Variants in TENM2 observed in about 807,000 individuals in gnomAD.
The protein encoded by TENM2 is teneurin-2.
Under a neutral mutation model 245.2 loss-of-function variants are expected in TENM2, and 52 were observed. The observed-to-expected ratio is 0.21, with a 90% CI of 0.17 to 0.27. TENM2 has a LOEUF of 0.27. TENM2 is among the 10% of genes least tolerant of loss of function. The pLI, the probability that TENM2 is intolerant of heterozygous loss-of-function variation, is 1.00. For synonymous variants in TENM2, 1,363 were observed against 1,438.9 expected (o/e 0.95, Z 1.19); for missense variants, 3,046 against 3,666.8 (o/e 0.83, Z 4.37).
chr5:168,219,121 G>A (rs1009897168), intron 23 of TENM2, 122 bp downstream of exon 25: 1 of 974,576 alleles, frequency 1.0e-6, no homozygotes, highest in Non-Finnish European at 1.5e-6. Context: ...CTTTAATGAT[G>A]TCTTATGGCC....
chr5:167,398,139 G>A (rs780225669), intron 2 of TENM2, among the ~76,000 whole-genome samples: 2 of 152,070 alleles, frequency 1.3e-5, no homozygotes, highest in Non-Finnish European at 1.5e-5. Context: ...AAATCTCTCT[G>A]GGTGTCAATA....
chr5:167,599,872 C>T (rs910491872), intron 2 of TENM2, among the ~76,000 whole-genome samples: 8 of 151,912 alleles, frequency 5.3e-5, no homozygotes, highest in South Asian at 2.1e-4. Flanking sequence ...CATGGCTGGG[C>T]GCGGTGGCTC....
chr5:168,047,345 A>G (rs1788694846), intron 5 of TENM2, 82 bp from the exon 8 acceptor site: 5 of 1,502,198 alleles, frequency 3.3e-6, no homozygotes, highest in African/African-American at 2.8e-5. Flanking sequence ...AATCGCTTGG[A>G]AAAGGGCACC....
chr5:167,701,284 C>A (rs1447751749), intron 2 of TENM2, among the ~76,000 whole-genome samples: 1 of 152,020 alleles, frequency 6.6e-6, no homozygotes, highest in Non-Finnish European at 1.5e-5. Flanking sequence ...AAATGAGGCA[C>A]CTTTTGGACT....
the TENM2 span, among the ~76,000 whole-genome samples, chr5:167,045,077 G>A: frequency 5.3e-5 from 8 of 152,108 alleles, no homozygotes; most frequent in Admixed American, 2.6e-4. Context: ...TAAAGTTCTG[G>A]GATGAAAGTG....
At chr5:168,228,708 C>T (rs1764506890) in intron 25 of TENM2, among the ~76,000 whole-genome samples, 1 of 80,310 alleles carries the variant, frequency 1.2e-5, no homozygotes, top group South Asian at 4.6e-4. Flanking sequence ...AGAGGGATGC[C>T]ACTCAGCCTG....
At chr5:167,281,264 C>T (rs565996878), upstream of TENM2, among the ~76,000 whole-genome samples, 8 of 149,116 alleles carry the variant, frequency 5.4e-5, no homozygotes, top group Admixed American at 2.0e-4. Flanking sequence ...CCTGCCACCA[C>T]GCCTGGCTAT....
At chr5:167,995,554 GAGGTGACCGC>G in intron 5 of TENM2, among the ~76,000 whole-genome samples, 1 of 152,130 alleles carries the variant, frequency 6.6e-6, no homozygotes, top group Non-Finnish European at 1.5e-5. Flanking sequence ...CCACTCTCCC[GAGGTGACCGC>G]AGGTCTGCAA....
At chr5:168,141,200 G>A (rs1269830670) in intron 12 of TENM2, among the ~76,000 whole-genome samples, 4 of 152,062 alleles carry the variant, frequency 2.6e-5, no homozygotes, top group Non-Finnish European at 5.9e-5. Flanking sequence ...CCCAGGACAG[G>A]ACAGCACAAC....
intron 2 of TENM2, among the ~76,000 whole-genome samples, chr5:167,390,508 A>G (rs1476066965): frequency 6.6e-6 from 1 of 152,180 alleles, no homozygotes; most frequent in Non-Finnish European, 1.5e-5. Flanking sequence ...GTTAGTAATC[A>G]TAAACACAGT....
chr5:168,242,333 A>G lies in TENM2; in HGVS notation c.5521-2087A>G, dbSNP rs530881508. ...ACCCCCTCACACCCCCAAAGCTGCA[A>G]TGTGGAGCGTTCAAGGGCTGTGAAA... On this transcript the variant is annotated intron_variant, in intron 25 of 28. Coordinates refer to ENST00000518659, the Ensembl canonical transcript of TENM2. Among the ~76,000 whole-genome samples, 5 of 152,282 alleles carry G rather than the reference A, an allele frequency of 3.3e-5. No homozygotes were observed. The East Asian group carries it at 9.7e-4, about 29-fold the overall frequency.
At chr5:168,255,007 A>G (rs368044575) in intron 27 of TENM2, among the ~76,000 whole-genome samples, 4 of 151,900 alleles carry the variant, frequency 2.6e-5, no homozygotes, top group African/African-American at 9.7e-5. Flanking sequence ...AGGTCACACC[A>G]CTGCACTCCA....
At chr5:167,251,572 G>A in the TENM2 span, among the ~76,000 whole-genome samples, 2 of 152,088 alleles carry the variant, frequency 1.3e-5, no homozygotes, top group Non-Finnish European at 2.9e-5. Flanking sequence ...CTGCTTTCAG[G>A]CAAACCAATT....
chr5:167,861,110 A>G (rs1023503989), intron 2 of TENM2, among the ~76,000 whole-genome samples: 3 of 151,682 alleles, frequency 2.0e-5, no homozygotes, highest in Non-Finnish European at 4.4e-5. Context: ...TTTCACCCCT[A>G]GCAATCGCTC....
chr5:168,190,319 C>T lies in TENM2; in HGVS notation c.2570-18C>T. On this transcript the variant is annotated intron_variant, in intron 13 of 28. Coordinates refer to ENST00000518659, the Ensembl canonical transcript of TENM2. The stretch of plus-strand genomic sequence containing the variant: ...GCCATGAAATCTGCTGACTCTGGCT[C>T]TGCCTCTGCCCTTCCAGATGGCCTG... The T allele has an allele frequency of 6.2e-7, 1 of 1,605,422 alleles. No homozygotes were observed. The highest frequency in any genetic ancestry group is 8.5e-7 in the Non-Finnish European group (1 of 1,174,106).
chr5:167,637,097 G>A (rs1389038112), intron 2 of TENM2, among the ~76,000 whole-genome samples: 3 of 152,054 alleles, frequency 2.0e-5, no homozygotes, highest in Admixed American at 2.0e-4. Flanking sequence ...ATTTAAATAC[G>A]GCTACTGTAA....
intron 2 of TENM2, among the ~76,000 whole-genome samples, chr5:167,709,800 A>G (rs1249523333): frequency 3.3e-5 from 5 of 152,206 alleles, no homozygotes; most frequent in African/African-American, 9.7e-5. Flanking sequence ...AGAGAAACCA[A>G]AAGCGAGAGT....
At chr5:167,726,195 C>T (rs1759993317) in intron 2 of TENM2, among the ~76,000 whole-genome samples, 1 of 151,902 alleles carries the variant, frequency 6.6e-6, no homozygotes, top group African/African-American at 2.4e-5. Flanking sequence ...AAATCAAATG[C>T]CTCTGAAAAG....
At chr5:168,226,095 C>T (rs1446216971) in exon 24 of TENM2, 4 of 1,613,004 alleles carry the variant, frequency 2.5e-6, no homozygotes, top group South Asian at 2.2e-5. Context: ...CAGCTATGAC[C>T]ACGAAGGCCG....
Sources: allele counts gnomAD v4.1 joint callset (sites outside exome capture counted in the v4.1 genomes callset), GRCh38; gene constraint gnomAD v4.1.1; transcripts MANE v1.5; gene names NCBI Gene and HGNC (gene_info 2026-07-23, HGNC 2026-07-21).